Variants in COL25A1 observed in about 807,000 individuals in gnomAD.
COL25A1 encodes the protein collagen type XXV alpha 1 chain.
A neutral mutation model predicts 128.4 loss-of-function variants in COL25A1; 103 were observed. That is an observed-to-expected ratio of 0.80 (90% CI 0.68 to 0.94). The LOEUF (loss-of-function observed/expected upper bound fraction) is 0.94. Among genes scored for constraint, COL25A1 ranks in the 40% least tolerant of loss-of-function variants. COL25A1 has a pLI of 0.00. For synonymous variants in COL25A1, 279 were observed against 277.2 expected (o/e 1.01, Z -0.06); for missense variants, 745 against 840.0 (o/e 0.89, Z 1.40).
chr4:108,986,538 C>T (rs1049418350), intron 6 of COL25A1, among the ~76,000 whole-genome samples: 1 of 152,056 alleles, frequency 6.6e-6, no homozygotes, highest in Admixed American at 6.6e-5. Context: ...TTAAATAATA[C>T]CAAAAGGAAG....
intron 3 of COL25A1, among the ~76,000 whole-genome samples, chr4:109,093,098 C>G (rs941064412): frequency 6.6e-6 from 1 of 151,836 alleles, no homozygotes; most frequent in Non-Finnish European, 1.5e-5. Flanking sequence ...CAGGCCAGAA[C>G]AAAACAAGAA....
intron 3 of COL25A1, among the ~76,000 whole-genome samples, chr4:109,138,484 T>A (rs1466661222): frequency 1.3e-5 from 2 of 152,178 alleles, no homozygotes; most frequent in African/African-American, 4.8e-5. Flanking sequence ...TGAGTAATAA[T>A]CCTTTGGGTA....
intron 23 of COL25A1, among the ~76,000 whole-genome samples, chr4:108,860,689 G>A (rs1210007260): frequency 1.3e-5 from 2 of 152,032 alleles, no homozygotes; most frequent in African/African-American, 4.8e-5. Flanking sequence ...GTAGACAGGG[G>A]GAGTTCTTTA....
At chr4:108,886,812 T>C (rs72668351) in intron 18 of COL25A1, among the ~76,000 whole-genome samples, 14,976 of 152,172 alleles carry the variant, frequency 0.098, 950 homozygotes, top group Non-Finnish European at 0.14. Context: ...TTTTTCCCCT[T>C]CTTTTCACCT....
intron 5 of COL25A1, among the ~76,000 whole-genome samples, chr4:109,044,579 T>C (rs1367598245): frequency 6.6e-6 from 1 of 152,102 alleles, no homozygotes; most frequent in Non-Finnish European, 1.5e-5. Context: ...CAGGTTACAC[T>C]TTCTAATCTG....
At chr4:108,831,555 ACTTT>A (rs1004432018) in intron 32 of COL25A1, among the ~76,000 whole-genome samples, 6 of 152,206 alleles carry the variant, frequency 3.9e-5, no homozygotes, top group African/African-American at 1.4e-4. Context: ...CTATTAAAAT[ACTTT>A]CTTTATATCC....
intron 8 of COL25A1, among the ~76,000 whole-genome samples, chr4:108,956,694 C>T (rs769622706): frequency 1.3e-5 from 2 of 152,210 alleles, no homozygotes; most frequent in Non-Finnish European, 2.9e-5. Flanking sequence ...GCATGAGCCA[C>T]CACACCCAGC....
intron 6 of COL25A1, among the ~76,000 whole-genome samples, chr4:108,991,952 A>T (rs1301401695): frequency 1.3e-5 from 2 of 152,200 alleles, no homozygotes; most frequent in Non-Finnish European, 2.9e-5. Flanking sequence ...TTAGTAAAAT[A>T]CTGTGAAATG....
chr4:108,974,270 G>A, intron 8 of COL25A1, 97 bp downstream of exon 8: 1 of 1,290,360 alleles, frequency 7.7e-7, no homozygotes, highest in South Asian at 1.2e-5. Flanking sequence ...ACTGAACCAT[G>A]TGGCACAAAG....
intron 6 of COL25A1, among the ~76,000 whole-genome samples, chr4:109,009,100 C>T (rs890150338): frequency 2.0e-5 from 3 of 152,020 alleles, no homozygotes; most frequent in South Asian, 2.1e-4. Context: ...CCAGCCTGGG[C>T]AACAGAGCAA....
intron 5 of COL25A1, among the ~76,000 whole-genome samples, chr4:109,045,704 C>G (rs1760363957): frequency 6.6e-6 from 1 of 152,054 alleles, no homozygotes; most frequent in South Asian, 2.1e-4. Flanking sequence ...ATAGCATAAT[C>G]AATGTTTTTT....
At chr4:109,267,959 G>A (rs1485361684) in intron 3 of COL25A1, among the ~76,000 whole-genome samples, 3 of 151,948 alleles carry the variant, frequency 2.0e-5, no homozygotes, top group African/African-American at 4.8e-5. Context: ...AGTCAAGATC[G>A]CTTCATTATT....
intron 3 of COL25A1, among the ~76,000 whole-genome samples, chr4:109,168,013 A>G (rs911538858): frequency 1.3e-5 from 2 of 152,124 alleles, no homozygotes; most frequent in Non-Finnish European, 2.9e-5. Context: ...GATAACAGTA[A>G]TAGTTGGTTT....
intron 3 of COL25A1, among the ~76,000 whole-genome samples, chr4:109,128,469 C>CT (rs1768852130): frequency 6.6e-6 from 1 of 152,140 alleles, no homozygotes; most frequent in African/African-American, 2.4e-5. Flanking sequence ...GCTCTTCCTC[C>CT]TTTTTAGGTC....
At position 108,978,540 on chromosome 4, in the gene COL25A1, A is replaced by AT. The variant is rs138608421; in HGVS notation, c.439-3982dup. On this transcript the variant is annotated intron_variant, in intron 6 of 37. Coordinates refer to ENST00000399132, the MANE Select transcript of COL25A1 (RefSeq NM_198721.4). ...CTTTAAAATTAAAATTGGGGTATTAATTTTTTTTTATCTTTAGCATTAAAA... is the reference window on the plus strand; with the variant it reads ...CTTTAAAATTAAAATTGGGGTATTAATTTTTTTTTTATCTTTAGCATTAAAA... Among the ~76,000 whole-genome samples the AT allele has an allele frequency of 3.3e-5, 5 of 151,858 alleles. No individual in the cohort carries two copies. In the East Asian group the frequency reaches 5.8e-4, roughly 18 times the overall value.
At chr4:109,169,185 C>T (rs1377417246) in intron 3 of COL25A1, among the ~76,000 whole-genome samples, 3 of 152,196 alleles carry the variant, frequency 2.0e-5, no homozygotes, top group African/African-American at 7.2e-5. Context: ...TGTCCTGACA[C>T]ATGCAATACC....
chr4:108,935,616 A>T (rs1747303860), intron 11 of COL25A1, among the ~76,000 whole-genome samples: 1 of 152,150 alleles, frequency 6.6e-6, no homozygotes. Context: ...AAGAGTCAAG[A>T]AAAGTTTGTA....
At chr4:109,090,827 A>C (rs1764829037) in intron 3 of COL25A1, among the ~76,000 whole-genome samples, 1 of 152,194 alleles carries the variant, frequency 6.6e-6, no homozygotes, top group African/African-American at 2.4e-5. Context: ...AGCATTAGTG[A>C]TTGACATCTT....
chr4:109,062,428 G>A (rs1420130286), intron 3 of COL25A1, among the ~76,000 whole-genome samples: 1 of 152,038 alleles, frequency 6.6e-6, no homozygotes, highest in African/African-American at 2.4e-5. Context: ...AACCTTCAAG[G>A]AAAAAATTAA....
Sources: allele counts gnomAD v4.1 joint callset (sites outside exome capture counted in the v4.1 genomes callset), GRCh38; gene constraint gnomAD v4.1.1; transcripts MANE v1.5; gene names NCBI Gene and HGNC (gene_info 2026-07-23, HGNC 2026-07-21).